CTNND2: variants seen among roughly 807,000 people sequenced by gnomAD.
CTNND2 encodes catenin delta 2.
CTNND2 carries 22 observed loss-of-function variants against 144.4 expected under a neutral mutation model. The observed-to-expected ratio is 0.15, with a 90% CI of 0.11 to 0.22. The LOEUF is 0.22. Ranked by LOEUF, CTNND2 falls within the 10% of genes least tolerant of loss-of-function variation. The pLI is 1.00. For synonymous variants in CTNND2, 751 were observed against 695.6 expected (o/e 1.08, Z -1.25); for missense variants, 1,353 against 1,618.8 (o/e 0.84, Z 2.82).
At chr5:11,886,505 A>T (rs1181997716) in intron 1 of CTNND2, among the ~76,000 whole-genome samples, 18 of 152,212 alleles carry the variant, frequency 1.2e-4, no homozygotes, top group Admixed American at 1.2e-3. Context: ...AATCAAGTTC[A>T]ATTTGGTTTT....
At chr5:11,557,609 A>G (rs1209248529) in intron 3 of CTNND2, among the ~76,000 whole-genome samples, 2 of 152,122 alleles carry the variant, frequency 1.3e-5, no homozygotes, top group Non-Finnish European at 2.9e-5. Flanking sequence ...TGACCTCCAG[A>G]CCCAGATTTA....
intron 16 of CTNND2, among the ~76,000 whole-genome samples, chr5:11,073,982 T>C (rs1748633657): frequency 1.3e-5 from 2 of 152,208 alleles, no homozygotes; most frequent in Admixed American, 1.3e-4. Context: ...AGAAGATATG[T>C]CTCTAAAATT....
chr5:11,886,996 T>G (rs1736586899), intron 1 of CTNND2, among the ~76,000 whole-genome samples: 1 of 143,800 alleles, frequency 7.0e-6, no homozygotes, highest in Admixed American at 7.0e-5. Context: ...TTTTTTTTTT[T>G]TTTTTGAGAC....
chr5:10,975,726 A>T (rs1331350161), intron 21 of CTNND2, among the ~76,000 whole-genome samples: 3 of 152,174 alleles, frequency 2.0e-5, no homozygotes, highest in East Asian at 1.9e-4. Flanking sequence ...GACAAAAGAG[A>T]CCAAGAAGCG....
At chr5:11,066,859 G>C (rs76163612) in intron 16 of CTNND2, among the ~76,000 whole-genome samples, 39 of 152,304 alleles carry the variant, frequency 2.6e-4, no homozygotes, top group Non-Finnish European at 3.8e-4. Flanking sequence ...AGGCAGACCA[G>C]AGAATTACTC....
chr5:11,710,754 C>G (rs1427974022), intron 2 of CTNND2, among the ~76,000 whole-genome samples: 1 of 152,114 alleles, frequency 6.6e-6, no homozygotes, highest in Non-Finnish European at 1.5e-5. Context: ...GCAGTTACAG[C>G]TGAAGGTCCG....
At chr5:11,847,807 T>C (rs1254468187) in intron 1 of CTNND2, among the ~76,000 whole-genome samples, 1 of 152,118 alleles carries the variant, frequency 6.6e-6, no homozygotes, top group East Asian at 1.9e-4. Context: ...ATTAACTATG[T>C]GAAACAATGT....
At position 11,138,174 on chromosome 5, in the gene CTNND2, C is replaced by T. The variant is rs555223952; in HGVS notation, c.2160-20607G>A. 6.8e-4 allele frequency among the ~76,000 whole-genome samples: 103 copies of T among 152,316 alleles called. 1 individual carries two copies. The highest frequency in any genetic ancestry group is 2.4e-3 in the African/African-American group (99 of 41,564). ...TTTCTTGGCGTGTGGCCTCCTTTCT[C>T]CATCCTCAAAGCCAGCCGTGATCTC... On this transcript the variant is annotated intron_variant, in intron 12 of 21. Coordinates refer to ENST00000304623, the MANE Select transcript of CTNND2 (RefSeq NM_001332.4).
intron 11 of CTNND2, among the ~76,000 whole-genome samples, chr5:11,164,422 C>A (rs966867633): frequency 1.3e-5 from 2 of 152,166 alleles, no homozygotes; most frequent in African/African-American, 4.8e-5. Flanking sequence ...TTCTCTAAAT[C>A]TCTAAATTCA....
chr5:11,863,294 G>A (rs944911444), intron 1 of CTNND2, among the ~76,000 whole-genome samples: 4 of 152,220 alleles, frequency 2.6e-5, no homozygotes, highest in East Asian at 1.9e-4. Flanking sequence ...GGTATATCCC[G>A]AAAATATTCT....
chr5:11,270,864 C>T (rs183754734), intron 9 of CTNND2, among the ~76,000 whole-genome samples: 107 of 152,222 alleles, frequency 7.0e-4, no homozygotes, highest in African/African-American at 2.3e-3. Context: ...CATGTGAATG[C>T]CACGTGGAAC....
At chr5:11,622,073 A>G (rs1780873201) in intron 2 of CTNND2, among the ~76,000 whole-genome samples, 2 of 152,196 alleles carry the variant, frequency 1.3e-5, no homozygotes, top group African/African-American at 4.8e-5. Flanking sequence ...GGGACCTGAT[A>G]CCAGGTTTAT....
intron 2 of CTNND2, among the ~76,000 whole-genome samples, chr5:11,720,906 G>A (rs1014405392): frequency 2.6e-5 from 4 of 152,084 alleles, no homozygotes; most frequent in African/African-American, 4.8e-5. Context: ...ACAGCCTGGC[G>A]GTTCTTCAGA....
At chr5:11,437,728 G>A (rs1234062739) in intron 3 of CTNND2, among the ~76,000 whole-genome samples, 1 of 152,126 alleles carries the variant, frequency 6.6e-6, no homozygotes, top group Non-Finnish European at 1.5e-5. Flanking sequence ...GAAGAGGAGA[G>A]GACTGTAATC....
At chr5:11,819,461 A>G (rs1211718143) in intron 1 of CTNND2, among the ~76,000 whole-genome samples, 2 of 151,768 alleles carry the variant, frequency 1.3e-5, no homozygotes, top group East Asian at 3.9e-4. Context: ...AGACAGACAG[A>G]CCTCTTTTTA....
intron 1 of CTNND2, among the ~76,000 whole-genome samples, chr5:11,860,317 G>A (rs980046569): frequency 1.1e-4 from 16 of 152,150 alleles, no homozygotes; most frequent in Admixed American, 3.3e-4. Flanking sequence ...GGACAACTCC[G>A]TTCTTAGTAA....
At chr5:11,810,863 T>A (rs950450782) in intron 1 of CTNND2, among the ~76,000 whole-genome samples, 2 of 141,964 alleles carry the variant, frequency 1.4e-5, no homozygotes, top group African/African-American at 5.6e-5. Context: ...TAAGGGCCTA[T>A]TTTTTTAAAA....
intron 3 of CTNND2, among the ~76,000 whole-genome samples, chr5:11,520,801 A>C (rs546510148): frequency 3.2e-4 from 49 of 152,302 alleles, no homozygotes; most frequent in Admixed American, 2.6e-3. Context: ...AAGCTGTGTT[A>C]TTTCAACAAC....
intron 1 of CTNND2, among the ~76,000 whole-genome samples, chr5:11,854,141 C>T (rs953737694): frequency 2.0e-5 from 3 of 152,176 alleles, no homozygotes; most frequent in South Asian, 4.1e-4. Context: ...CACACTGCCA[C>T]GGGTGGCCCG....
Sources: gnomAD v4.1 joint callset for allele counts (sites outside exome capture counted in the v4.1 genomes callset) on GRCh38, gnomAD v4.1.1 for gene constraint, MANE v1.5 for transcripts, NCBI Gene and HGNC (gene_info 2026-07-23, HGNC 2026-07-21) for gene names.